ABCA1: variants seen among roughly 807,000 people sequenced by gnomAD.
The protein encoded by ABCA1 is ATP binding cassette subfamily A member 1, also known as phospholipid-transporting ATPase ABCA1.
ABCA1 carries 133 observed loss-of-function variants against 262.5 expected under a neutral mutation model. The observed-to-expected ratio is 0.51, with a 90% CI of 0.44 to 0.59. The LOEUF is 0.59. Ranked by LOEUF, ABCA1 falls within the 20% of genes least tolerant of loss-of-function variation. The pLI, the probability that ABCA1 is intolerant of heterozygous loss-of-function variation, is 0.00. For synonymous variants in ABCA1, 1,022 were observed against 1,043.5 expected, an observed-to-expected ratio of 0.98 and a Z score of 0.40; for missense variants, 2,452 against 2,777.5, an observed-to-expected ratio of 0.88 and a Z score of 2.63.
At chr9:104,898,549 AAAATAAATAAATAAAT>A (rs60925856) in intron 2 of ABCA1, among the ~76,000 whole-genome samples, 23,391 of 143,036 alleles carry the variant, frequency 0.16, 2,384 homozygotes, top group African/African-American at 0.28. Context: ...TCCGTCTTGA[AAAATAAATAAATAAAT>A]AAATAAATAA....
intron 1 of ABCA1, among the ~76,000 whole-genome samples, chr9:104,911,392 C>T (rs1054168909): frequency 6.6e-6 from 1 of 152,164 alleles, no homozygotes; most frequent in Non-Finnish European, 1.5e-5. Context: ...GGATCGGTAG[C>T]CACGTTCAGG....
Position 104,786,917 on chromosome 9 carries a change from T to C in ABCA1, c.6264A>G (p.Leu2088=), listed in dbSNP as rs763177153. 2.0e-5 allele frequency: 32 copies of C among 1,613,916 alleles called. 1 individual carries two copies. In the Admixed American group the frequency reaches 4.5e-4, roughly 23 times the overall value. Residue 2088 remains leucine (L), a synonymous_variant, in exon 47 of 50, where the codon CTA becomes CTG. Coordinates refer to ENST00000374736, the MANE Select transcript of ABCA1 (RefSeq NM_005502.4). ...CTGATCTCCCCTCCTTGACAACACT[T>C]AGGGCACAATTCCACAAGAACCGCC... is the stretch of plus-strand genomic sequence containing the variant. ...KARRFLWNCA[L]SVVKEGRSVV...
intron 5 of ABCA1, among the ~76,000 whole-genome samples, chr9:104,879,122 T>C (rs1002263634): frequency 5.9e-5 from 9 of 152,006 alleles, no homozygotes; most frequent in Non-Finnish European, 1.5e-5. Flanking sequence ...TAGTGGTGTT[T>C]TAAGGCAGTC....
chr9:104,851,756 A>G (rs559519659), intron 7 of ABCA1, among the ~76,000 whole-genome samples: 33 of 152,330 alleles, frequency 2.2e-4, no homozygotes, highest in South Asian at 2.1e-4. Context: ...GACCTTGCAC[A>G]TGACTACCTC....
chr9:104,812,094 CT>C (rs1349996118), intron 28 of ABCA1, among the ~76,000 whole-genome samples: 1 of 152,202 alleles, frequency 6.6e-6, no homozygotes, highest in East Asian at 1.9e-4. Context: ...CCTATCTTTT[CT>C]ATCAGTTTGA....
At chr9:104,862,681 G>C (rs1488865722) in intron 5 of ABCA1, among the ~76,000 whole-genome samples, 220 of 1,852 alleles carry the variant, frequency 0.12, 58 homozygotes, top group African/African-American at 0.15. Context: ...GGCCGGGCCG[G>C]GCCGGGCCGG....
intron 5 of ABCA1, among the ~76,000 whole-genome samples, chr9:104,867,064 G>A (rs906200346): frequency 6.6e-6 from 1 of 152,212 alleles, no homozygotes; most frequent in South Asian, 2.1e-4. Flanking sequence ...GCCGATTGCA[G>A]AGAAGAAAAT....
chr9:104,877,476 T>G (rs1171682678), intron 5 of ABCA1, among the ~76,000 whole-genome samples: 1 of 152,236 alleles, frequency 6.6e-6, no homozygotes, highest in African/African-American at 2.4e-5. Flanking sequence ...CCCATCCAAG[T>G]ACTGACCAAG....
intron 30 of ABCA1, among the ~76,000 whole-genome samples, chr9:104,807,843 T>TACACACAC (rs1180467652): frequency 0.023 from 835 of 36,578 alleles, 7 homozygotes; most frequent in African/African-American, 0.058. Context: ...AATATATATA[T>TACACACAC]ATACACACAC....
chr9:104,846,108 C>A (rs1834850723), intron 7 of ABCA1, among the ~76,000 whole-genome samples: 1 of 152,126 alleles, frequency 6.6e-6, no homozygotes, highest in Non-Finnish European at 1.5e-5. Flanking sequence ...TTTATATGTA[C>A]CAATTCATAT....
At chr9:104,804,798 G>A (rs1044396166) in intron 31 of ABCA1, 78 bp from the exon 32 acceptor site, 1 of 1,250,854 alleles carries the variant, frequency 8.0e-7, no homozygotes, top group East Asian at 2.3e-5. Flanking sequence ...GGACAACAGT[G>A]ACCATGTCCA....
chr9:104,898,428 A>C (rs1041203416), intron 2 of ABCA1, among the ~76,000 whole-genome samples: 1 of 151,926 alleles, frequency 6.6e-6, no homozygotes, highest in African/African-American at 2.4e-5. Context: ...GGCGTCTGTA[A>C]TCCCAGCTAC....
intron 45 of ABCA1, among the ~76,000 whole-genome samples, 175 bp from the exon 46 acceptor site, chr9:104,788,229 CT>C (rs1471865394): frequency 1.3e-5 from 2 of 152,194 alleles, no homozygotes; most frequent in Non-Finnish European, 2.9e-5. Flanking sequence ...GGGAGCAGCA[CT>C]CCCTCTCTGC....
Position 104,793,073 on chromosome 9 carries a change from A to G in ABCA1, c.5636+98T>C, listed in dbSNP as rs941388718. 1.1e-5 allele frequency: 17 copies of G among 1,589,190 alleles called. No individual in the cohort carries two copies. The African/African-American group carries it at 2.2e-4, about 20-fold the overall frequency. On this transcript the variant is annotated intron_variant, in intron 41 of 49. Transcript: ENST00000374736. ...AAAATCAGTTTTATCACATATTTTG[A>G]GTTCAGTTCAATGCAACCCCCATTG...
intron 32 of ABCA1, 141 bp downstream of exon 32, chr9:104,804,485 G>T: frequency 2.7e-6 from 2 of 747,858 alleles, no homozygotes; most frequent in East Asian, 2.6e-5. Flanking sequence ...TTTCTAGTTT[G>T]GGATAATATC....
At chr9:104,914,472 C>G (rs1436221852) in intron 1 of ABCA1, among the ~76,000 whole-genome samples, 2 of 150,776 alleles carry the variant, frequency 1.3e-5, no homozygotes, top group Admixed American at 6.6e-5. Context: ...TGAATTCCAG[C>G]CTGGACAACA....
chr9:104,911,490 T>C (rs571870398), intron 1 of ABCA1, among the ~76,000 whole-genome samples: 2 of 152,298 alleles, frequency 1.3e-5, no homozygotes, highest in Admixed American at 6.5e-5. Flanking sequence ...AGATCGTGGC[T>C]GCTGTGGGGG....
intron 17 of ABCA1, among the ~76,000 whole-genome samples, chr9:104,825,210 T>C (rs1181484761): frequency 1.3e-5 from 2 of 152,194 alleles, no homozygotes; most frequent in East Asian, 3.9e-4. Context: ...GAACCTCTCC[T>C]AGTTGTACCC....
At chr9:104,851,960 T>C (rs1835418895) in intron 7 of ABCA1, among the ~76,000 whole-genome samples, 1 of 152,220 alleles carries the variant, frequency 6.6e-6, no homozygotes, top group Non-Finnish European at 1.5e-5. Flanking sequence ...TTTCAACTTA[T>C]AAAAATCTCA....
Sources: allele counts gnomAD v4.1 joint callset (sites outside exome capture counted in the v4.1 genomes callset), GRCh38; gene constraint gnomAD v4.1.1; transcripts MANE v1.5; gene names NCBI Gene and HGNC (gene_info 2026-07-23, HGNC 2026-07-21).